The following TEX9 variants were observed in gnomAD, a reference collection of about 807,000 sequenced individuals.
TEX9 encodes the protein testis-expressed protein 9.
Under a neutral mutation model 59.6 loss-of-function variants are expected in TEX9, and 74 were observed. That is an observed-to-expected ratio of 1.24 (90% CI 1.03 to 1.51). The LOEUF is 1.51. Among genes scored for constraint, TEX9 ranks in the 40% most tolerant of loss-of-function variants. The probability of loss-of-function intolerance (pLI) is 0.00; values close to 1 mark genes in which losing one functional copy is unlikely to be tolerated. For missense variants in TEX9, 522 were observed against 447.8 expected (o/e 1.17, Z -1.49); for synonymous variants, 186 against 152.2 (o/e 1.22, Z -1.64).
intron 2 of TEX9, among the ~76,000 whole-genome samples, chr15:56,370,536 G>C (rs1240972625): frequency 6.6e-6 from 1 of 152,124 alleles, no homozygotes; most frequent in Non-Finnish European, 1.5e-5. Flanking sequence ...TAGATGGCCA[G>C]CTTTTCCTTC....
Position 56,308,911 on chromosome 15 carries a change from A to G in TEX9, c.-106-64530A>G, listed in dbSNP as rs182060483. Among the ~76,000 whole-genome samples, 229 of 152,246 alleles carry G rather than the reference A, an allele frequency of 1.5e-3. 1 individual carries two copies. Among genetic ancestry groups the G allele is most frequent in the Middle Eastern group, 0.01 (3 of 294 alleles). ...CCAGTTCTTTACCATTGATCTGTAT[A>G]TTTAATCTTATGCCAGTACTGCACT... On this transcript the variant is annotated intron_variant, in intron 1 of 5. Transcript: ENST00000560827.
rs1455726035 is a variant in TEX9 at position 56,340,297 on chromosome 15, A to G, written c.-106-33144A>G. ...AAAATGACCATTAGGTGGGTCAATA[A>G]ACATAATGGACTCACTGTGAGATAG... is the stretch of plus-strand genomic sequence containing the variant. On this transcript the variant is annotated intron_variant, in intron 1 of 5. Transcript: ENST00000560827. Among the ~76,000 whole-genome samples the G allele has an allele frequency of 2.0e-5, 3 of 152,304 alleles. 1 individual carries two copies. The highest frequency in any genetic ancestry group is 2.1e-4 in the South Asian group (1 of 4,818).
chr15:56,440,258 A>G (rs1265329044), intron 12 of TEX9, among the ~76,000 whole-genome samples: 2 of 152,166 alleles, frequency 1.3e-5, no homozygotes, highest in Non-Finnish European at 2.9e-5. Flanking sequence ...AAAATAAAAA[A>G]TTGTTGAGCT....
chr15:56,458,382 T>C, the TEX9 span, among the ~76,000 whole-genome samples: 1 of 152,204 alleles, frequency 6.6e-6, no homozygotes, highest in African/African-American at 2.4e-5. Context: ...CATGCTCAGC[T>C]TCCCCTTCTA....
chr15:56,339,316 G>A lies in TEX9; in HGVS notation c.-106-34125G>A, dbSNP rs868725975. Among the ~76,000 whole-genome samples the A allele has an allele frequency of 2.1e-5, 3 of 141,082 alleles. No homozygotes were observed. The South Asian group carries it at 7.0e-4, about 33-fold the overall frequency. The allele number at this position is 141,082 out of a possible 152,430, so 92.6% of individuals were successfully genotyped here. ...GAGAATCGCTTGAACCCAGGAGGTG[G>A]AGGTTGCAGTAAGCCCTGATCACGC... On this transcript the variant is annotated intron_variant, in intron 1 of 5. Transcript: ENST00000560827.
chr15:56,276,979 G>T (rs1261736078), intron 1 of TEX9, among the ~76,000 whole-genome samples: 2 of 151,762 alleles, frequency 1.3e-5, no homozygotes, highest in African/African-American at 2.4e-5. Flanking sequence ...AGAATTGTCT[G>T]CTCATATCCT....
At chr15:56,293,923 A>G (rs1190095465) in intron 1 of TEX9, among the ~76,000 whole-genome samples, 1 of 152,216 alleles carries the variant, frequency 6.6e-6, no homozygotes, top group Admixed American at 6.5e-5. Flanking sequence ...CTGTGAATAT[A>G]ACAACTTTCT....
chr15:56,447,085 T>C (rs1449314139), downstream of TEX9: 12 of 607,708 alleles, frequency 2.0e-5, no homozygotes, highest in East Asian at 3.2e-4. Flanking sequence ...GAGAAATAAT[T>C]CATTATATTT....
chr15:56,450,765 T>C (rs2050942024), downstream of TEX9, among the ~76,000 whole-genome samples: 1 of 152,226 alleles, frequency 6.6e-6, no homozygotes, highest in Non-Finnish European at 1.5e-5. Flanking sequence ...TGTATATTTA[T>C]GCCTAGGAGT....
At chr15:56,367,253 T>C (rs539312171) in intron 2 of TEX9, among the ~76,000 whole-genome samples, 23 of 152,248 alleles carry the variant, frequency 1.5e-4, no homozygotes, top group Non-Finnish European at 2.6e-4. Context: ...ATCTGAAGCA[T>C]ATGAACAGAG....
intron 10 of TEX9, among the ~76,000 whole-genome samples, chr15:56,422,297 C>T (rs1263028319): frequency 6.6e-6 from 1 of 151,594 alleles, no homozygotes; most frequent in African/African-American, 2.4e-5. Flanking sequence ...ATCTGACAGT[C>T]TCTTTTTAAT....
intron 1 of TEX9, among the ~76,000 whole-genome samples, chr15:56,313,487 C>A (rs1331005252): frequency 6.8e-6 from 1 of 146,602 alleles, no homozygotes; most frequent in Non-Finnish European, 1.5e-5. Flanking sequence ...CCTTGCATCC[C>A]AGGGCTGAAG....
intron 1 of TEX9, among the ~76,000 whole-genome samples, chr15:56,257,584 G>A (rs2044172276): frequency 6.6e-6 from 1 of 152,106 alleles, no homozygotes; most frequent in Admixed American, 6.6e-5. Flanking sequence ...CTGCATGTAT[G>A]TCTTCTTTTG....
At chr15:56,386,608 G>A (rs1452971807) in intron 4 of TEX9, among the ~76,000 whole-genome samples, 1 of 151,774 alleles carries the variant, frequency 6.6e-6, no homozygotes, top group Non-Finnish European at 1.5e-5. Flanking sequence ...ACATATGTAT[G>A]CGTACATATA....
At chr15:56,357,683 C>T (rs563797577) in intron 1 of TEX9, among the ~76,000 whole-genome samples, 7 of 152,170 alleles carry the variant, frequency 4.6e-5, no homozygotes, top group South Asian at 4.2e-4. Context: ...ATCTGCCATT[C>T]GACCTGTCCA....
chr15:56,320,266 C>A (rs1218451754), intron 1 of TEX9, among the ~76,000 whole-genome samples: 5 of 152,130 alleles, frequency 3.3e-5, no homozygotes, highest in African/African-American at 1.2e-4. Context: ...TTTTGTTATA[C>A]CTCTATGTTA....
intron 1 of TEX9, among the ~76,000 whole-genome samples, chr15:56,316,206 C>CT (rs1422134633): frequency 1.3e-5 from 2 of 149,206 alleles, no homozygotes; most frequent in Non-Finnish European, 3.0e-5. Context: ...AACTGCGTTC[C>CT]TTTGGAGGAG....
chr15:56,388,437 A>G (rs765156235), intron 4 of TEX9, 35 bp from the exon 5 acceptor site: 33 of 1,518,020 alleles, frequency 2.2e-5, no homozygotes, highest in Middle Eastern at 1.8e-4. Flanking sequence ...AGTGTCATCT[A>G]TTATTAATGT....
intron 9 of TEX9, chr15:56,397,143 A>T (rs3985760): frequency 0.03 from 4,928 of 165,508 alleles, 192 homozygotes; most frequent in East Asian, 0.093. Context: ...TGGACAATGA[A>T]ATCCAGGCTG....
Sources: allele counts gnomAD v4.1 joint callset (sites outside exome capture counted in the v4.1 genomes callset), GRCh38; gene constraint gnomAD v4.1.1; transcripts MANE v1.5; gene names NCBI Gene and HGNC (gene_info 2026-07-23, HGNC 2026-07-21).